Variants in PLD5 observed in about 807,000 individuals in gnomAD.
The protein encoded by PLD5 is phospholipase D family member 5, also known as inactive phospholipase D5.
A neutral mutation model predicts 61.1 loss-of-function variants in PLD5; 36 were observed. The ratio of observed to expected loss-of-function variants is 0.59; its 90% CI spans 0.45 to 0.78. The LOEUF is 0.78. Among genes scored for constraint, PLD5 ranks in the 30% least tolerant of loss-of-function variants. The probability of loss-of-function intolerance (pLI) is 0.00; values close to 1 mark genes in which losing one functional copy is unlikely to be tolerated. For missense variants in PLD5, 515 were observed against 644.4 expected (o/e 0.80, Z 2.17); for synonymous variants, 243 against 242.8 (o/e 1.00, Z -0.01).
intron 1 of PLD5, among the ~76,000 whole-genome samples, chr1:242,412,871 G>C (rs768934714): frequency 5.3e-5 from 8 of 152,214 alleles, no homozygotes; most frequent in Non-Finnish European, 7.3e-5. Flanking sequence ...CCTGTGTTTA[G>C]TTTTATAAGA....
In PLD5 at chr1:242,209,595, C is replaced by T. The variant is rs148333064; in HGVS notation, c.735+10393G>A. Among the ~76,000 whole-genome samples, 894 of 152,258 alleles carry T rather than the reference C, an allele frequency of 5.9e-3. 7 individuals carry two copies. Among genetic ancestry groups the T allele is most frequent in the Non-Finnish European group, 0.01 (685 of 68,006 alleles). ...CTATGGCAACAGCACAACCTGCACC[C>T]GTCTAAGTTGGAGAACTTAATCCAT... On this transcript the variant is annotated intron_variant, in intron 5 of 9. Coordinates refer to ENST00000536534, the MANE Select transcript of PLD5 (RefSeq NM_001372062.1).
intron 5 of PLD5, among the ~76,000 whole-genome samples, chr1:242,130,485 C>G (rs1361561526): frequency 6.6e-6 from 1 of 152,178 alleles, no homozygotes; most frequent in Non-Finnish European, 1.5e-5. Context: ...ATTGCTGGAT[C>G]GAATGGTAAT....
At chr1:242,315,018 C>T (rs1676925449) in intron 2 of PLD5, among the ~76,000 whole-genome samples, 1 of 152,158 alleles carries the variant, frequency 6.6e-6, no homozygotes, top group Non-Finnish European at 1.5e-5. Context: ...TGTTCCCACA[C>T]CATTTGGCCA....
intron 5 of PLD5, among the ~76,000 whole-genome samples, chr1:242,204,712 A>AG (rs928590509): frequency 2.6e-5 from 4 of 152,114 alleles, no homozygotes; most frequent in African/African-American, 7.2e-5. Flanking sequence ...TAACAATTGC[A>AG]GGGGGTCGGT....
rs1665726892 is a variant in PLD5, at chr1:242,160,335, T to C, written c.736-35670A>G. ...ACAGGCTTTTAGAATCAGAAGTTAA[T>C]ATTTAGAAATAACTATTTGAAATCT... is the stretch of plus-strand genomic sequence containing the variant. On this transcript the variant is annotated intron_variant, in intron 5 of 9. Coordinates refer to ENST00000536534, the MANE Select transcript of PLD5 (RefSeq NM_001372062.1). Among the ~76,000 whole-genome samples, 3 of 152,144 alleles carry C rather than the reference T, an allele frequency of 2.0e-5. No homozygotes were observed. In the South Asian group the frequency reaches 6.2e-4, roughly 32 times the overall value.
intron 5 of PLD5, among the ~76,000 whole-genome samples, chr1:242,208,136 C>T (rs1279073967): frequency 1.3e-5 from 2 of 150,570 alleles, no homozygotes; most frequent in African/African-American, 4.9e-5. Context: ...ATCCTCCTGC[C>T]TCAACTTCTC....
intron 2 of PLD5, among the ~76,000 whole-genome samples, chr1:242,322,562 T>C (rs1252844312): frequency 6.6e-6 from 1 of 152,236 alleles, no homozygotes; most frequent in Non-Finnish European, 1.5e-5. Context: ...CACCCAAATC[T>C]CATCTTGAAT....
rs1031857272 is a variant in PLD5 at position 242,418,216 on chromosome 1, T to G, written c.190-69974A>C. 2.6e-5 allele frequency among the ~76,000 whole-genome samples: 4 copies of G among 152,108 alleles called. No homozygotes were observed. The South Asian group carries it at 8.3e-4, about 32-fold the overall frequency. ...ACAGAGTCAAGAAAAACCCTAAGGTTTTTAGCCTGAGCAACTGGAAGGATA... is the reference window on the plus strand; with the variant it reads ...ACAGAGTCAAGAAAAACCCTAAGGTGTTTAGCCTGAGCAACTGGAAGGATA... On this transcript the variant is annotated intron_variant, in intron 1 of 9. Coordinates refer to ENST00000536534, the MANE Select transcript of PLD5 (RefSeq NM_001372062.1).
rs181462969 is a variant in PLD5, at chr1:242,091,608, A to G, written c.1355-1498T>C. Reference sequence around the variant, plus strand: ...TAGTTATGCTTCGATGTACTTTCACACTAGAATGTCATTACACCAAGAATG... The same window carrying G: ...TAGTTATGCTTCGATGTACTTTCACGCTAGAATGTCATTACACCAAGAATG... On this transcript the variant is annotated intron_variant, in intron 9 of 9. Transcript: ENST00000536534. 4.8e-3 allele frequency among the ~76,000 whole-genome samples: 734 copies of G among 152,324 alleles called. 2 individuals carry two copies. The highest frequency in any genetic ancestry group is 0.01 in the Middle Eastern group (3 of 294).
At chr1:242,321,223 A>C (rs1246027263) in intron 2 of PLD5, among the ~76,000 whole-genome samples, 1 of 151,558 alleles carries the variant, frequency 6.6e-6, no homozygotes, top group Non-Finnish European at 1.5e-5. Context: ...TCTAAAAAAA[A>C]AATAATGGAG....
chr1:242,327,424 T>C (rs1051331617), intron 2 of PLD5, among the ~76,000 whole-genome samples: 1 of 152,246 alleles, frequency 6.6e-6, no homozygotes, highest in African/African-American at 2.4e-5. Context: ...CTTTACTGAC[T>C]GCTATTTCAA....
At chr1:242,195,863 G>T (rs1189200663) in intron 5 of PLD5, among the ~76,000 whole-genome samples, 1 of 152,144 alleles carries the variant, frequency 6.6e-6, no homozygotes, top group Non-Finnish European at 1.5e-5. Context: ...GTTTAGAAAT[G>T]GATAAATAAG....
chr1:242,420,336 A>G (rs1665070701), intron 1 of PLD5, among the ~76,000 whole-genome samples: 1 of 152,116 alleles, frequency 6.6e-6, no homozygotes, highest in Admixed American at 6.5e-5. Flanking sequence ...AACATGTTCC[A>G]TCTCCTGCTG....
chr1:242,285,188 TATC>T (rs997450597), intron 3 of PLD5, among the ~76,000 whole-genome samples: 7 of 152,218 alleles, frequency 4.6e-5, no homozygotes, highest in African/African-American at 1.7e-4. Flanking sequence ...TTCTAAGTGT[TATC>T]ATCTTTCTAC....
rs759492043 is a variant in PLD5 at position 242,265,294 on chromosome 1, C to T, written c.607+43G>A. On this transcript the variant is annotated intron_variant, in intron 4 of 9. Transcript: ENST00000536534. ...TTAAGTGAAATTAAAGGTATCTTAA[C>T]AGAACACCCAGCGGTAGAATAGCAT... The T allele has an allele frequency of 4.4e-6, 7 of 1,578,122 alleles. No individual in the cohort carries two copies. In the East Asian group the frequency reaches 6.8e-5, roughly 15 times the overall value.
At chr1:242,212,086 A>G (rs1031128268) in intron 5 of PLD5, among the ~76,000 whole-genome samples, 1 of 152,184 alleles carries the variant, frequency 6.6e-6, no homozygotes, top group Non-Finnish European at 1.5e-5. Context: ...CCCTGGCTCC[A>G]TTATACACAG....
chr1:242,389,892 T>C lies in PLD5; in HGVS notation c.190-41650A>G, dbSNP rs1312430739. Among the ~76,000 whole-genome samples the C allele has an allele frequency of 5.9e-5, 9 of 152,226 alleles. No homozygotes were observed. In the East Asian group the frequency reaches 1.7e-3, roughly 29 times the overall value. ...TCTTTTTTATGAGCTAAAGAGGCCA[T>C]ATAATCTCACCCGTAATACAAGTTT... On this transcript the variant is annotated intron_variant, in intron 1 of 9. Coordinates refer to ENST00000536534, the MANE Select transcript of PLD5 (RefSeq NM_001372062.1).
intron 5 of PLD5, among the ~76,000 whole-genome samples, chr1:242,181,276 C>T (rs897225300): frequency 1.3e-5 from 2 of 152,140 alleles, no homozygotes; most frequent in Non-Finnish European, 2.9e-5. Flanking sequence ...AGTAGCAAGG[C>T]GATGGGCCTG....
chr1:242,201,797 G>A (rs1410724318), intron 5 of PLD5, among the ~76,000 whole-genome samples: 1 of 152,116 alleles, frequency 6.6e-6, no homozygotes, highest in Non-Finnish European at 1.5e-5. Context: ...GTGGTATTTT[G>A]TTACATTATT....
Sources: allele counts gnomAD v4.1 joint callset (sites outside exome capture counted in the v4.1 genomes callset), GRCh38; gene constraint gnomAD v4.1.1; transcripts MANE v1.5; gene names NCBI Gene and HGNC (gene_info 2026-07-23, HGNC 2026-07-21).